SLC25A48: variants seen among roughly 807,000 people sequenced by gnomAD.
SLC25A48 encodes the protein CTC-321K16.1.
SLC25A48 carries 29 observed loss-of-function variants against 32.2 expected under a neutral mutation model. The observed-to-expected ratio is 0.90, with a 90% CI of 0.67 to 1.23. SLC25A48 has a LOEUF of 1.23. SLC25A48 is among the 50% of genes most tolerant of loss of function. The probability of loss-of-function intolerance (pLI) is 0.00; values close to 1 mark genes in which losing one functional copy is unlikely to be tolerated. For missense variants in SLC25A48, 399 were observed against 422.7 expected (o/e 0.94, Z 0.49); for synonymous variants, 164 against 172.3 (o/e 0.95, Z 0.38).
rs560863245 is a variant in SLC25A48, at chr5:135,712,967, A to G, written c.-521+78011A>G. Among the ~76,000 whole-genome samples, 4 of 152,308 alleles carry G rather than the reference A, an allele frequency of 2.6e-5. No homozygotes were observed. In the South Asian group the frequency reaches 8.3e-4, roughly 32 times the overall value. ...TTGCCCAGTCTCAGGCACCCACCCC[A>G]TCAAAACTTATCCATCCTATGTTCC... On this transcript the variant is annotated intron_variant, in intron 3 of 10. Coordinates refer to the SLC25A48 transcript ENST00000646290.
At chr5:135,601,032 A>G (rs1028241773) in intron 1 of SLC25A48, 6 of 152,022 alleles carry the variant, frequency 3.9e-5, no homozygotes, top group Non-Finnish European at 8.8e-5. Context: ...ATGAATGAAC[A>G]AGTTAATCCT....
chr5:135,597,465 A>C (rs1202370440), intron 1 of SLC25A48, among the ~76,000 whole-genome samples: 1 of 152,198 alleles, frequency 6.6e-6, no homozygotes, highest in East Asian at 1.9e-4. Context: ...GGTACCAGAA[A>C]ACTGGAATCA....
chr5:135,657,057 C>A (rs995411284), intron 3 of SLC25A48, among the ~76,000 whole-genome samples: 26 of 152,192 alleles, frequency 1.7e-4, no homozygotes, highest in Admixed American at 1.7e-3. Context: ...CCCAGCATAA[C>A]CCCTCCTCAA....
intron 3 of SLC25A48, among the ~76,000 whole-genome samples, chr5:135,734,598 C>T (rs1052326272): frequency 9.9e-5 from 15 of 151,916 alleles, no homozygotes; most frequent in African/African-American, 3.1e-4. Flanking sequence ...GAGGCTGAGG[C>T]GGGTGGATCA....
At chr5:135,658,460 T>A (rs1753306808) in intron 3 of SLC25A48, among the ~76,000 whole-genome samples, 1 of 152,226 alleles carries the variant, frequency 6.6e-6, no homozygotes, top group Non-Finnish European at 1.5e-5. Flanking sequence ...ACTGCTTTCA[T>A]GTGCTGGCAT....
intron 3 of SLC25A48, among the ~76,000 whole-genome samples, chr5:135,732,821 G>T (rs1755261123): frequency 6.6e-6 from 1 of 152,020 alleles, no homozygotes. Flanking sequence ...ATGAGAAGGA[G>T]AAAAACTGCC....
Position 135,781,747 on chromosome 5 carries a change from G to A in SLC25A48, c.-520-30776G>A, listed in dbSNP as rs1470175197. ...TGCAGGTGCTGTACACTACCTTTGT[G>A]TTGTAGTACCTAACATCCATGGGAA... On this transcript the variant is annotated intron_variant, in intron 3 of 10. Transcript: ENST00000646290. 6.8e-5 allele frequency among the ~76,000 whole-genome samples: 8 copies of A among 116,924 alleles called. 1 individual carries two copies. Among genetic ancestry groups the A allele is most frequent in the Admixed American group, 4.4e-4 (5 of 11,406 alleles). 76.7% of individuals were successfully genotyped at this position (116,924 alleles called of 152,430 possible).
intron 2 of SLC25A48, among the ~76,000 whole-genome samples, chr5:135,845,536 C>A (rs1759336207): frequency 6.6e-6 from 1 of 152,198 alleles, no homozygotes; most frequent in Non-Finnish European, 1.5e-5. Context: ...CAAGAAAGGG[C>A]CAGGCAAGTC....
intron 3 of SLC25A48, among the ~76,000 whole-genome samples, chr5:135,790,289 T>A (rs544508346): frequency 3.0e-4 from 45 of 152,072 alleles, no homozygotes; most frequent in African/African-American, 1.0e-3. Context: ...ATATTACTTC[T>A]AATGTCACAG....
chr5:135,837,104 A>C (rs1355022415), intron 1 of SLC25A48, among the ~76,000 whole-genome samples: 2 of 151,838 alleles, frequency 1.3e-5, no homozygotes, highest in Non-Finnish European at 2.9e-5. Flanking sequence ...TGGGTGGGCT[A>C]ATAAGTGGCA....
At chr5:135,879,849 G>A (rs888055995) in intron 6 of SLC25A48, 119 bp from the exon 7 acceptor site, 1 of 1,397,068 alleles carries the variant, frequency 7.2e-7, no homozygotes, top group Non-Finnish European at 9.5e-7. Flanking sequence ...AGGTCCTTTG[G>A]GCTCTGGTGG....
chr5:135,779,386 T>C (rs916565036), intron 3 of SLC25A48, among the ~76,000 whole-genome samples: 1 of 151,680 alleles, frequency 6.6e-6, no homozygotes, highest in Non-Finnish European at 1.5e-5. Context: ...CTGTGTGATA[T>C]TGTTCCTAAT....
At chr5:135,724,112 C>T (rs1345556422) in intron 3 of SLC25A48, among the ~76,000 whole-genome samples, 6 of 152,198 alleles carry the variant, frequency 3.9e-5, no homozygotes, top group Middle Eastern at 3.2e-3. Context: ...CTTTTCTCAA[C>T]GGGAATTCAA....
At chr5:135,684,304 C>CT (rs758029812) in intron 3 of SLC25A48, among the ~76,000 whole-genome samples, 15 of 151,946 alleles carry the variant, frequency 9.9e-5, no homozygotes, top group Non-Finnish European at 1.9e-4. Context: ...CCTTCTCCCC[C>CT]TTTTTTTTCC....
At chr5:135,650,655 G>T in intron 3 of SLC25A48, 1 of 323,984 alleles carries the variant, frequency 3.1e-6, no homozygotes. Context: ...CCAGGGAAAT[G>T]AGAGAAGGTG....
At chr5:135,723,400 AC>A (rs1561463924) in intron 3 of SLC25A48, among the ~76,000 whole-genome samples, 11 of 80,760 alleles carry the variant, frequency 1.4e-4, no homozygotes. Flanking sequence ...ACACACACAC[AC>A]ACACACACAC....
intron 3 of SLC25A48, among the ~76,000 whole-genome samples, chr5:135,801,342 A>G (rs540382029): frequency 9.3e-5 from 14 of 151,034 alleles, no homozygotes; most frequent in Non-Finnish European, 1.5e-4. Flanking sequence ...AAATATCTAG[A>G]AAAAAAAGGG....
chr5:135,729,832 A>C (rs1416916461), intron 3 of SLC25A48, among the ~76,000 whole-genome samples: 3 of 152,228 alleles, frequency 2.0e-5, no homozygotes, highest in Non-Finnish European at 4.4e-5. Context: ...GTAACTAGAC[A>C]TATCTTTGTA....
At chr5:135,673,501 T>C (rs1753701530) in intron 3 of SLC25A48, among the ~76,000 whole-genome samples, 1 of 152,194 alleles carries the variant, frequency 6.6e-6, no homozygotes. Flanking sequence ...TTTCATTCAC[T>C]TGACATTTGG....
Sources: allele counts gnomAD v4.1 joint callset (sites outside exome capture counted in the v4.1 genomes callset), GRCh38; gene constraint gnomAD v4.1.1; transcripts MANE v1.5; gene names NCBI Gene and HGNC (gene_info 2026-07-23, HGNC 2026-07-21).